The following PHACTR2 variants were observed in gnomAD, a reference collection of about 807,000 sequenced individuals.
PHACTR2 encodes phosphatase and actin regulator 2, also known as chromosome 6 open reading frame 56.
A neutral mutation model predicts 76.0 loss-of-function variants in PHACTR2; 30 were observed. The observed-to-expected ratio is 0.39, with a 90% CI of 0.30 to 0.54. The LOEUF is 0.54. PHACTR2 is among the 20% of genes least tolerant of loss of function. PHACTR2 has a pLI of 0.61. For synonymous variants in PHACTR2, 292 were observed against 292.5 expected, an observed-to-expected ratio of 1.00 and a Z score of 0.02; for missense variants, 696 against 781.1, an observed-to-expected ratio of 0.89 and a Z score of 1.30.
intron 12 of PHACTR2, among the ~76,000 whole-genome samples, chr6:143,814,794 G>A (rs947362089): frequency 6.6e-6 from 1 of 151,872 alleles, no homozygotes; most frequent in African/African-American, 2.4e-5. Flanking sequence ...AGTAGAGACG[G>A]GGTTTCACCG....
intron 1 of PHACTR2, among the ~76,000 whole-genome samples, chr6:143,687,826 G>A (rs923631693): frequency 2.0e-5 from 3 of 152,150 alleles, no homozygotes; most frequent in Non-Finnish European, 2.9e-5. Context: ...TGCTTGGCAG[G>A]TATAGTCCTA....
chr6:143,636,914 C>G (rs1163951470), intron 1 of PHACTR2, among the ~76,000 whole-genome samples: 1 of 152,176 alleles, frequency 6.6e-6, no homozygotes, highest in African/African-American at 2.4e-5. Flanking sequence ...GAATATAATT[C>G]TAGCTGAAAG....
intron 11 of PHACTR2, among the ~76,000 whole-genome samples, chr6:143,798,450 T>C (rs1336612068): frequency 1.3e-5 from 2 of 152,210 alleles, no homozygotes. Flanking sequence ...ATAGGAGTGG[T>C]GAGAGAGGTC....
rs1777798309 is a variant in PHACTR2, at chr6:143,697,423, T to C, written c.47-14593T>C. 6.6e-6 allele frequency among the ~76,000 whole-genome samples: 1 copy of C among 152,238 alleles called. No individual in the cohort carries two copies. Among genetic ancestry groups the C allele is most frequent in the Non-Finnish European group, 1.5e-5 (1 of 68,038 alleles). ...TGAAGAAATTAATTTTCACCACTCA[T>C]CACCGGGTGAAAATAGAAACTTCTT... On this transcript the variant is annotated intron_variant, in intron 1 of 12. Coordinates refer to ENST00000440869, the MANE Select transcript of PHACTR2 (RefSeq NM_001100164.2). This position sits in a 1 kb window ranked among gnomAD's most constrained non-coding sequence, Gnocchi z 4.4.
At chr6:143,555,847 T>C (rs1211534008) in intron 1 of PHACTR2, among the ~76,000 whole-genome samples, 1 of 151,806 alleles carries the variant, frequency 6.6e-6, no homozygotes, top group Non-Finnish European at 1.5e-5. Context: ...AATCTAATTA[T>C]CACCTCAGGA....
In PHACTR2 at chr6:143,541,006, G is replaced by A. The variant is rs1781167108; in HGVS notation, c.217+3799G>A. On this transcript the variant is annotated intron_variant, in intron 1 of 11. Coordinates refer to the PHACTR2 transcript ENST00000367584. This position sits in a 1 kb window ranked among gnomAD's most constrained non-coding sequence, Gnocchi z 5.3. The stretch of plus-strand genomic sequence containing the variant: ...GCCAGTACAACCATAGTGCACTGCA[G>A]CCTCAAACCCTGAGGCTCAAGGGAT... 6.6e-6 allele frequency among the ~76,000 whole-genome samples: 1 copy of A among 152,214 alleles called. No individual in the cohort carries two copies. The highest frequency in any genetic ancestry group is 1.5e-5 in the Non-Finnish European group (1 of 68,038).
intron 5 of PHACTR2, among the ~76,000 whole-genome samples, chr6:143,763,977 G>A (rs536000921): frequency 3.4e-4 from 52 of 152,300 alleles, no homozygotes; most frequent in South Asian, 2.7e-3. Flanking sequence ...AAAGAAAAGA[G>A]TATTCTCATA....
chr6:143,608,422 A>C lies in PHACTR2; in HGVS notation c.13+100A>C, dbSNP rs1396888407. 3 of 1,227,598 alleles carry C rather than the reference A, an allele frequency of 2.4e-6. No homozygotes were observed. In the African/African-American group the frequency reaches 4.4e-5, roughly 18 times the overall value. 76.0% of individuals were successfully genotyped at this position (1,227,598 alleles called of 1,614,324 possible). A position where few individuals can be genotyped will look rare whatever the true frequency, so the allele number is the denominator to read the frequency against. On this transcript the variant is annotated intron_variant, in intron 1 of 11. Coordinates refer to the PHACTR2 transcript ENST00000305766. The surrounding 1 kb of genome is among the most constrained non-coding windows in gnomAD (Gnocchi z 4.6). Reference sequence around the variant, plus strand: ...TGCCTATTTGTTGCTCTCGTTTTGCACTTAAATGTTCAAGACTGAGACGCG... The same window carrying C: ...TGCCTATTTGTTGCTCTCGTTTTGCCCTTAAATGTTCAAGACTGAGACGCG...
At chr6:143,615,299 G>C (rs1484452062) in intron 1 of PHACTR2, among the ~76,000 whole-genome samples, 1 of 152,082 alleles carries the variant, frequency 6.6e-6, no homozygotes, top group African/African-American at 2.4e-5. Flanking sequence ...GGGGATTCTT[G>C]GTCTTTGTGT....
At chr6:143,786,574 C>T (rs1473760177) in intron 10 of PHACTR2, among the ~76,000 whole-genome samples, 8 of 152,122 alleles carry the variant, frequency 5.3e-5, no homozygotes, top group Non-Finnish European at 1.2e-4. Flanking sequence ...TAGTCTGTTT[C>T]CATGCTGCTG....
At chr6:143,747,546 C>T (rs1779093457) in intron 2 of PHACTR2, among the ~76,000 whole-genome samples, 1 of 152,132 alleles carries the variant, frequency 6.6e-6, no homozygotes, top group South Asian at 2.1e-4. Flanking sequence ...GGGGTAATGG[C>T]TTTAGTTTAG....
rs1459834670 is a variant in PHACTR2 at position 143,554,654 on chromosome 6, G to A, written c.217+17447G>A. 1.3e-5 allele frequency: 2 copies of A among 152,156 alleles called. No homozygotes were observed. Among genetic ancestry groups the A allele is most frequent in the African/African-American group, 4.8e-5 (2 of 41,426 alleles). 9.4% of individuals were successfully genotyped at this position (152,156 alleles called of 1,614,324 possible). ...GTTCTCGGTAAACCAATTTAGCAGG[G>A]CTTTTGTTAAAACTGTATTTTACGA... On this transcript the variant is annotated intron_variant, in intron 1 of 11. Transcript: ENST00000367584. This position sits in a 1 kb window ranked among gnomAD's most constrained non-coding sequence, Gnocchi z 5.9.
rs1309216440 is a variant in PHACTR2 at position 143,751,963 on chromosome 6, A to C, written c.296-1791A>C. ...TTTGTTCTTGAATTCCATATTTATCACAAATGTGTCTCTTTTTTCTACAAT... is the reference window on the plus strand; with the variant it reads ...TTTGTTCTTGAATTCCATATTTATCCCAAATGTGTCTCTTTTTTCTACAAT... On this transcript the variant is annotated intron_variant, in intron 3 of 12. Transcript: ENST00000440869. This position sits in a 1 kb window ranked among gnomAD's most constrained non-coding sequence, Gnocchi z 5.7. Among the ~76,000 whole-genome samples the C allele has an allele frequency of 6.6e-6, 1 of 152,130 alleles. No homozygotes were observed. The highest frequency in any genetic ancestry group is 1.5e-5 in the Non-Finnish European group (1 of 68,020).
intron 1 of PHACTR2, among the ~76,000 whole-genome samples, chr6:143,563,532 G>A (rs1294701010): frequency 2.4e-5 from 3 of 124,348 alleles, no homozygotes; most frequent in East Asian, 2.5e-4. Flanking sequence ...CTCCAGCCTG[G>A]GCGACACAAA....
At position 143,650,630 on chromosome 6, in the gene PHACTR2, C is replaced by T. The variant is rs571412256; in HGVS notation, c.13+42308C>T. On this transcript the variant is annotated intron_variant, in intron 1 of 11. Transcript: ENST00000305766. ...GTGCTGGGAGAACAGGCTAGCCATA[C>T]GCAGAAAATTGAAACTGGAGTCCTT... Among the ~76,000 whole-genome samples, 167 of 152,128 alleles carry T rather than the reference C, an allele frequency of 1.1e-3. 2 individuals are homozygous for T. The highest frequency in any genetic ancestry group is 8.4e-4 in the Non-Finnish European group (57 of 67,968).
At chr6:143,564,889 T>A (rs575497055) in intron 1 of PHACTR2, among the ~76,000 whole-genome samples, 5 of 143,966 alleles carry the variant, frequency 3.5e-5, no homozygotes, top group African/African-American at 1.0e-4. Flanking sequence ...TTTCTCCAGA[T>A]ACATGAATAG....
chr6:143,699,303 C>CA (rs1777845419), intron 1 of PHACTR2, among the ~76,000 whole-genome samples: 1 of 152,180 alleles, frequency 6.6e-6, no homozygotes, highest in Non-Finnish European at 1.5e-5. Flanking sequence ...AACACCCCGA[C>CA]ACCCAGGGCT....
rs748337272 is a variant in PHACTR2, at chr6:143,556,327, C to T, written c.217+19120C>T. 6.6e-6 allele frequency among the ~76,000 whole-genome samples: 1 copy of T among 152,224 alleles called. No homozygotes were observed. Among genetic ancestry groups the T allele is most frequent in the Non-Finnish European group, 1.5e-5 (1 of 68,042 alleles). On this transcript the variant is annotated intron_variant, in intron 1 of 11. Coordinates refer to the PHACTR2 transcript ENST00000367584. The surrounding 1 kb of genome is among the most constrained non-coding windows in gnomAD (Gnocchi z 4.3). Reference sequence around the variant, plus strand: ...GGGCATCTCCAATGCTCCTGCGTGCCAGGCACAAGGCGTGGGCCAGGAGAG... The same window carrying T: ...GGGCATCTCCAATGCTCCTGCGTGCTAGGCACAAGGCGTGGGCCAGGAGAG...
intron 1 of PHACTR2, among the ~76,000 whole-genome samples, chr6:143,711,492 G>A (rs924109492): frequency 2.0e-5 from 3 of 152,188 alleles, no homozygotes; most frequent in Admixed American, 2.0e-4. Context: ...TTTCTTTGAA[G>A]CTCAAAACCT....
Sources: allele counts gnomAD v4.1 joint callset (sites outside exome capture counted in the v4.1 genomes callset), GRCh38; gene constraint gnomAD v4.1.1; non-coding constraint Gnocchi (gnomAD v3.1); transcripts MANE v1.5; gene names NCBI Gene and HGNC (gene_info 2026-07-23, HGNC 2026-07-21).